The following DSE variants were observed in gnomAD, a reference collection of about 807,000 sequenced individuals.
DSE encodes dermatan sulfate epimerase.
A neutral mutation model predicts 84.4 loss-of-function variants in DSE; 36 were observed. The ratio of observed to expected loss-of-function variants is 0.43; its 90% CI spans 0.33 to 0.56. DSE has a LOEUF of 0.56. DSE is among the 20% of genes least tolerant of loss of function. DSE has a pLI of 0.06. For missense variants in DSE, 862 were observed against 1,169.6 expected, an observed-to-expected ratio of 0.74 and a Z score of 3.84; for synonymous variants, 410 against 430.1, an observed-to-expected ratio of 0.95 and a Z score of 0.58.
chr6:116,293,792 G>A (rs1774466603), intron 2 of DSE, among the ~76,000 whole-genome samples: 1 of 151,712 alleles, frequency 6.6e-6, no homozygotes, highest in African/African-American at 2.4e-5. Flanking sequence ...GAACTGGGAG[G>A]ATCACCTGAG....
chr6:116,281,314 CA>C (rs1443065377), intron 2 of DSE, among the ~76,000 whole-genome samples: 1 of 152,186 alleles, frequency 6.6e-6, no homozygotes, highest in Non-Finnish European at 1.5e-5. Context: ...GGAATGACAA[CA>C]CCTTGAGGTT....
chr6:116,359,697 G>C (rs1451190392), intron 2 of DSE, among the ~76,000 whole-genome samples: 1 of 152,144 alleles, frequency 6.6e-6, no homozygotes, highest in Non-Finnish European at 1.5e-5. Context: ...ACAGTGTATA[G>C]GACAGGTAAT....
At chr6:116,421,184 A>T (rs571362537) in intron 2 of DSE, among the ~76,000 whole-genome samples, 3 of 152,176 alleles carry the variant, frequency 2.0e-5, no homozygotes, top group South Asian at 2.1e-4. Context: ...AATTTATTTC[A>T]TATAAATTCA....
chr6:116,385,464 T>G (rs1417656771), intron 1 of DSE, among the ~76,000 whole-genome samples: 3 of 150,872 alleles, frequency 2.0e-5, no homozygotes, highest in African/African-American at 7.3e-5. Flanking sequence ...TGGACGGATT[T>G]GGAGTAGAGC....
intron 1 of DSE, among the ~76,000 whole-genome samples, chr6:116,375,753 T>A (rs1261095542): frequency 6.6e-6 from 1 of 152,236 alleles, no homozygotes; most frequent in Non-Finnish European, 1.5e-5. Flanking sequence ...GGAAAATCCC[T>A]GAACATACAT....
intron 2 of DSE, among the ~76,000 whole-genome samples, chr6:116,266,896 T>C (rs1425130378): frequency 3.9e-5 from 6 of 152,248 alleles, no homozygotes; most frequent in Admixed American, 6.5e-5. Context: ...TGCCACATAA[T>C]GATGTTTCAT....
intron 2 of DSE, among the ~76,000 whole-genome samples, chr6:116,299,199 GCA>G (rs1461829516): frequency 6.6e-6 from 1 of 152,040 alleles, no homozygotes; most frequent in Non-Finnish European, 1.5e-5. Flanking sequence ...CCTAGAAATT[GCA>G]CAGTTGTGTC....
At position 116,284,512 on chromosome 6, in the gene DSE, T is replaced by A. The variant is rs556296431; in HGVS notation, c.-54+25545T>A. Among the ~76,000 whole-genome samples the A allele has an allele frequency of 3.7e-3, 568 of 152,126 alleles. 5 individuals carry two copies. The highest frequency in any genetic ancestry group is 6.8e-3 in the Middle Eastern group (2 of 294). ...ACAAGTGTGAACTCACTTTCTTTTT[T>A]TTATTATTATTATTATACTTTAAGT... On this transcript the variant is annotated intron_variant, in intron 2 of 3. Coordinates refer to the DSE transcript ENST00000430252.
chr6:116,309,999 C>T (rs950198349), intron 2 of DSE, among the ~76,000 whole-genome samples: 7 of 152,010 alleles, frequency 4.6e-5, no homozygotes, highest in Admixed American at 3.3e-4. Context: ...ACATAAGGAA[C>T]ATTCAAAATT....
At chr6:116,300,034 G>T (rs1453082497) in intron 2 of DSE, among the ~76,000 whole-genome samples, 2 of 152,172 alleles carry the variant, frequency 1.3e-5, no homozygotes, top group Non-Finnish European at 2.9e-5. Flanking sequence ...AAATTTGGCA[G>T]TTATTCATAA....
chr6:116,342,210 T>G (rs904878436), intron 2 of DSE, among the ~76,000 whole-genome samples: 1 of 152,074 alleles, frequency 6.6e-6, no homozygotes, highest in African/African-American at 2.4e-5. Flanking sequence ...AAAGTGGATA[T>G]ATTAGATAAT....
chr6:116,255,399 A>G (rs1772101166), intron 1 of DSE: 1 of 152,204 alleles, frequency 6.6e-6, no homozygotes, highest in African/African-American at 2.4e-5. Context: ...ACTGGCAGAC[A>G]ATACGGAGAA....
intron 5 of DSE, 38 bp from the exon 6 acceptor site, chr6:116,435,549 C>A: frequency 6.5e-7 from 1 of 1,531,632 alleles, no homozygotes; most frequent in South Asian, 1.3e-5. Flanking sequence ...TTTTCACTGC[C>A]ATCAGAAAAC....
intron 2 of DSE, among the ~76,000 whole-genome samples, chr6:116,327,329 AC>A (rs1776680766): frequency 6.6e-6 from 1 of 152,228 alleles, no homozygotes; most frequent in Non-Finnish European, 1.5e-5. Flanking sequence ...ATAAAATCTC[AC>A]TGATTTCTCC....
chr6:116,389,057 C>T (rs115115501), intron 1 of DSE, among the ~76,000 whole-genome samples: 1 of 152,178 alleles, frequency 6.6e-6, no homozygotes, highest in Admixed American at 6.5e-5. Context: ...GTTTTGTGAG[C>T]GTTTCCTCCT....
intron 2 of DSE, among the ~76,000 whole-genome samples, chr6:116,303,346 T>A (rs1775151539): frequency 3.3e-5 from 5 of 152,140 alleles, no homozygotes; most frequent in Admixed American, 3.3e-4. Flanking sequence ...CACTCTGCAA[T>A]CCCCATTTGC....
At chr6:116,254,379 T>G in intron 1 of DSE, 2 of 482,608 alleles carry the variant, frequency 4.1e-6, no homozygotes, top group Non-Finnish European at 8.2e-6. Context: ...AATATTTACT[T>G]TAAGGTGAGT....
At chr6:116,344,285 G>A (rs1035022422) in intron 2 of DSE, among the ~76,000 whole-genome samples, 9 of 152,138 alleles carry the variant, frequency 5.9e-5, no homozygotes, top group Non-Finnish European at 1.2e-4. Flanking sequence ...TACGGAGAAT[G>A]CCACAAAGAT....
chr6:116,434,292 A>G (rs1377085908), intron 5 of DSE, among the ~76,000 whole-genome samples: 1 of 152,170 alleles, frequency 6.6e-6, no homozygotes, highest in African/African-American at 2.4e-5. Flanking sequence ...TGTCTTTTCA[A>G]GCTGTTGAAA....
Sources: allele counts gnomAD v4.1 joint callset (sites outside exome capture counted in the v4.1 genomes callset), GRCh38; gene constraint gnomAD v4.1.1; transcripts MANE v1.5; gene names NCBI Gene and HGNC (gene_info 2026-07-23, HGNC 2026-07-21).